Variants in ZFYVE9 observed in about 807,000 individuals in gnomAD.
ZFYVE9 encodes the protein zinc finger FYVE domain-containing protein 9.
Under a neutral mutation model 126.7 loss-of-function variants are expected in ZFYVE9, and 43 were observed. That is an observed-to-expected ratio of 0.34 (90% CI 0.27 to 0.44). The LOEUF is 0.44. Among genes scored for constraint, ZFYVE9 ranks in the 20% least tolerant of loss-of-function variants. The probability of loss-of-function intolerance (pLI) is 1.00; values close to 1 mark genes in which losing one functional copy is unlikely to be tolerated. For synonymous variants in ZFYVE9, 521 were observed against 597.4 expected, an observed-to-expected ratio of 0.87 and a Z score of 1.87; for missense variants, 1,476 against 1,697.0, an observed-to-expected ratio of 0.87 and a Z score of 2.29.
Position 52,143,922 on chromosome 1 carries a change from A to T in ZFYVE9, c.-143+1519A>T, listed in dbSNP as rs552765510. ...TCAGATTTTAAGTATTTCTTTTAAA[A>T]ATTGGCTTCATTACCAGTTATTTGG... On this transcript the variant is annotated intron_variant, in intron 1 of 18. Coordinates refer to ENST00000287727, the MANE Select transcript of ZFYVE9 (RefSeq NM_004799.4). Among the ~76,000 whole-genome samples the T allele has an allele frequency of 2.6e-5, 4 of 152,336 alleles. No homozygotes were observed. In the South Asian group the frequency reaches 8.3e-4, roughly 32 times the overall value.
At chr1:52,265,307 C>A (rs1645623125) in intron 5 of ZFYVE9, among the ~76,000 whole-genome samples, 1 of 152,116 alleles carries the variant, frequency 6.6e-6, no homozygotes, top group Non-Finnish European at 1.5e-5. Flanking sequence ...CCTCTTTCTG[C>A]CAGTGCTTTC....
chr1:52,273,994 G>T (rs1645720238), intron 7 of ZFYVE9, among the ~76,000 whole-genome samples: 1 of 151,976 alleles, frequency 6.6e-6, no homozygotes, highest in South Asian at 2.1e-4. Flanking sequence ...TTGGCATCAA[G>T]TACATTCACA....
At chr1:52,310,132 C>T (rs890142264) in intron 13 of ZFYVE9, among the ~76,000 whole-genome samples, 2 of 151,876 alleles carry the variant, frequency 1.3e-5, no homozygotes, top group African/African-American at 2.4e-5. Context: ...CCATCATGTC[C>T]GGCCAAATTT....
intron 1 of ZFYVE9, among the ~76,000 whole-genome samples, chr1:52,174,410 A>T (rs1347469072): frequency 6.6e-6 from 1 of 151,084 alleles, no homozygotes; most frequent in African/African-American, 2.4e-5. Flanking sequence ...TGCTGAGGAG[A>T]GCTTTACTTC....
chr1:52,151,961 A>G (rs146149154), intron 1 of ZFYVE9, among the ~76,000 whole-genome samples: 2 of 152,092 alleles, frequency 1.3e-5, no homozygotes, highest in African/African-American at 4.8e-5. Context: ...AGTGGAAGAA[A>G]CTTGTTTAAC....
intron 1 of ZFYVE9, among the ~76,000 whole-genome samples, chr1:52,212,955 T>C (rs1645041060): frequency 6.6e-6 from 1 of 152,354 alleles, no homozygotes; most frequent in Non-Finnish European, 1.5e-5. Context: ...TCCTCTCATG[T>C]ATCTTGAACT....
chr1:52,260,811 T>C (rs1645571871), intron 4 of ZFYVE9, among the ~76,000 whole-genome samples: 1 of 152,042 alleles, frequency 6.6e-6, no homozygotes, highest in Non-Finnish European at 1.5e-5. Context: ...AGCAAGACTC[T>C]AGCTCAAAGA....
In ZFYVE9 at chr1:52,172,717, G is replaced by A. The variant is rs376480158; in HGVS notation, c.-143+30314G>A. ...AGTTCTCCTTGAAGAGGTCCTTCAC[G>A]TCCCTTGTAAGTTGGATTCCTAAGT... On this transcript the variant is annotated intron_variant, in intron 1 of 18. Coordinates refer to ENST00000287727, the MANE Select transcript of ZFYVE9 (RefSeq NM_004799.4). Among the ~76,000 whole-genome samples, 13 of 151,564 alleles carry A rather than the reference G, an allele frequency of 8.6e-5. 1 individual carries two copies. Among genetic ancestry groups the A allele is most frequent in the East Asian group, 5.8e-4 (3 of 5,158 alleles).
chr1:52,189,594 A>C (rs1644798358), intron 1 of ZFYVE9, among the ~76,000 whole-genome samples: 1 of 151,934 alleles, frequency 6.6e-6, no homozygotes, highest in South Asian at 2.1e-4. Flanking sequence ...GCTGGTCTCA[A>C]ACTTCTGGCC....
chr1:52,264,800 A>T (rs1645616972), intron 5 of ZFYVE9, among the ~76,000 whole-genome samples: 1 of 152,160 alleles, frequency 6.6e-6, no homozygotes, highest in African/African-American at 2.4e-5. Flanking sequence ...ATGACAGTTA[A>T]TCTGATCTGT....
chr1:52,235,113 C>G (rs1388616184), intron 3 of ZFYVE9, among the ~76,000 whole-genome samples: 1 of 152,166 alleles, frequency 6.6e-6, no homozygotes. Flanking sequence ...ATAATAACTC[C>G]TTTAGAAGGA....
At position 52,311,437 on chromosome 1, in the gene ZFYVE9, G is replaced by A. The variant is rs542992107; in HGVS notation, c.3438+7512G>A. ...GCACCACCACGCCCAGCTAATTTTT[G>A]TATTTTTGGTAGAGACAGGGTTTCA... On this transcript the variant is annotated intron_variant, in intron 13 of 18. Transcript: ENST00000287727. Among the ~76,000 whole-genome samples, 10 of 152,002 alleles carry A rather than the reference G, an allele frequency of 6.6e-5. No individual in the cohort carries two copies. The East Asian group carries it at 1.9e-3, about 30-fold the overall frequency.
chr1:52,287,074 C>G (rs1446136899), intron 10 of ZFYVE9, among the ~76,000 whole-genome samples: 2 of 151,990 alleles, frequency 1.3e-5, no homozygotes, highest in African/African-American at 2.4e-5. Context: ...CTCCCTTAAT[C>G]TTTTATTTTT....
intron 1 of ZFYVE9, among the ~76,000 whole-genome samples, chr1:52,165,772 G>A (rs1276019046): frequency 6.6e-6 from 1 of 150,396 alleles, no homozygotes; most frequent in Non-Finnish European, 1.5e-5. Context: ...ATTCAATAGT[G>A]ATCAGCATAG....
intron 12 of ZFYVE9, among the ~76,000 whole-genome samples, chr1:52,297,752 T>C (rs1355636617): frequency 6.9e-6 from 1 of 145,362 alleles, no homozygotes; most frequent in Admixed American, 6.8e-5. Flanking sequence ...GGACAGAGTC[T>C]CGCACTGTCG....
chr1:52,153,438 A>G (rs976006544), intron 1 of ZFYVE9, among the ~76,000 whole-genome samples: 1 of 152,092 alleles, frequency 6.6e-6, no homozygotes, highest in Admixed American at 6.5e-5. Context: ...TTGTTTACCT[A>G]GTGGTTTGAC....
intron 1 of ZFYVE9, among the ~76,000 whole-genome samples, chr1:52,175,833 C>T (rs943159230): frequency 6.6e-5 from 10 of 152,182 alleles, no homozygotes; most frequent in African/African-American, 7.2e-5. Flanking sequence ...ACGTAGTTCT[C>T]GAGCCTTGGC....
intron 15 of ZFYVE9, 90 bp from the exon 16 acceptor site, chr1:52,337,682 G>C (rs1646401378): frequency 6.8e-7 from 1 of 1,469,998 alleles, no homozygotes; most frequent in African/African-American, 1.4e-5. Context: ...GGAAAGCAGA[G>C]CTAAGGTTTA....
At chr1:52,146,748 A>G (rs1644309847) in intron 1 of ZFYVE9, among the ~76,000 whole-genome samples, 1 of 152,226 alleles carries the variant, frequency 6.6e-6, no homozygotes, top group African/African-American at 2.4e-5. Flanking sequence ...AATCAGCATA[A>G]TCTAATTTTG....
Sources: gnomAD v4.1 joint callset for allele counts (sites outside exome capture counted in the v4.1 genomes callset) on GRCh38, gnomAD v4.1.1 for gene constraint, MANE v1.5 for transcripts, NCBI Gene and HGNC (gene_info 2026-07-23, HGNC 2026-07-21) for gene names.